The following KCNH1 variants were observed in gnomAD, a reference collection of about 807,000 sequenced individuals.
KCNH1 encodes potassium voltage-gated channel subfamily H member 1.
A neutral mutation model predicts 69.2 loss-of-function variants in KCNH1; 27 were observed. The observed-to-expected ratio is 0.39, with a 90% CI of 0.29 to 0.54. The LOEUF is 0.54. KCNH1 is among the 20% of genes least tolerant of loss of function. The pLI is 0.68. For missense variants in KCNH1, 798 were observed against 1,261.6 expected, an observed-to-expected ratio of 0.63 and a Z score of 5.57; for synonymous variants, 456 against 487.7, an observed-to-expected ratio of 0.93 and a Z score of 0.86.
intron 6 of KCNH1, among the ~76,000 whole-genome samples, chr1:210,966,231 A>C (rs772134476): frequency 1.3e-5 from 2 of 152,164 alleles, no homozygotes; most frequent in Non-Finnish European, 2.9e-5. Context: ...ACAAAAATTA[A>C]CTCGAGATGG....
chr1:210,732,229 C>T (rs1249268173), intron 10 of KCNH1, among the ~76,000 whole-genome samples: 1 of 151,706 alleles, frequency 6.6e-6, no homozygotes, highest in Non-Finnish European at 1.5e-5. Flanking sequence ...CCAGGCAGCC[C>T]AGTGTGGCTC....
intron 6 of KCNH1, among the ~76,000 whole-genome samples, chr1:211,007,809 A>G (rs1240284492): frequency 6.6e-6 from 1 of 152,226 alleles, no homozygotes; most frequent in Non-Finnish European, 1.5e-5. Context: ...AATGATCTCA[A>G]AGTTCTCAGA....
intron 2 of KCNH1, among the ~76,000 whole-genome samples, 187 bp from the exon 3 acceptor site, chr1:211,103,789 C>T (rs951075806): frequency 6.6e-6 from 1 of 152,138 alleles, no homozygotes; most frequent in African/African-American, 2.4e-5. Context: ...TTCATTGTCT[C>T]CAAAAAACTA....
At chr1:210,898,452 T>C (rs929324434) in intron 7 of KCNH1, among the ~76,000 whole-genome samples, 5 of 152,144 alleles carry the variant, frequency 3.3e-5, no homozygotes, top group African/African-American at 1.2e-4. Context: ...ATAAGAAACA[T>C]ACAACCTGCA....
chr1:211,059,851 T>C (rs1271160663), intron 5 of KCNH1, among the ~76,000 whole-genome samples: 3 of 151,506 alleles, frequency 2.0e-5, no homozygotes, highest in South Asian at 2.1e-4. Context: ...GGACAGAAAA[T>C]AAAGAAACAT....
At chr1:210,925,539 G>A (rs114898536) in intron 6 of KCNH1, among the ~76,000 whole-genome samples, 1,686 of 152,324 alleles carry the variant, frequency 0.011, 35 homozygotes, top group African/African-American at 0.038. Flanking sequence ...GGGACATGGT[G>A]AGAGTGAGAC....
In KCNH1 at chr1:210,998,648, TG is replaced by T. The variant is rs559815419; in HGVS notation, c.1032+20134del. On this transcript the variant is annotated intron_variant, in intron 6 of 10. Coordinates refer to ENST00000271751, the MANE Select transcript of KCNH1 (RefSeq NM_172362.3). ...GATATCCAGGAATTGAACTCAGCTCTGCCCCAAGCAGACCTAATAGACATCT... is the reference window on the plus strand; with the variant it reads ...GATATCCAGGAATTGAACTCAGCTCTCCCCAAGCAGACCTAATAGACATCT... 7.2e-5 allele frequency among the ~76,000 whole-genome samples: 11 copies of T among 152,330 alleles called. No individual in the cohort carries two copies. The East Asian group carries it at 2.1e-3, about 29-fold the overall frequency.
intron 7 of KCNH1, among the ~76,000 whole-genome samples, chr1:210,904,160 C>A (rs1687049458): frequency 6.6e-6 from 1 of 152,150 alleles, no homozygotes; most frequent in Non-Finnish European, 1.5e-5. Flanking sequence ...CAATTAAGGT[C>A]ATTAAGTTAT....
At chr1:211,084,832 T>C (rs1051637419) in intron 4 of KCNH1, among the ~76,000 whole-genome samples, 1 of 152,232 alleles carries the variant, frequency 6.6e-6, no homozygotes, top group African/African-American at 2.4e-5. Context: ...ATTCATGTGT[T>C]AATTCTATAA....
chr1:211,037,578 C>T (rs1006879338), intron 5 of KCNH1, among the ~76,000 whole-genome samples: 9 of 149,504 alleles, frequency 6.0e-5, no homozygotes, highest in African/African-American at 1.7e-4. Context: ...TAGCAACATG[C>T]CTTCCTGTCA....
intron 10 of KCNH1, among the ~76,000 whole-genome samples, chr1:210,741,648 T>C (rs542398695): frequency 1.6e-3 from 242 of 152,296 alleles, no homozygotes; most frequent in African/African-American, 5.6e-3. Context: ...AGGAGGTTAA[T>C]GGAAGGCCCT....
chr1:210,801,432 T>C (rs537636651), intron 8 of KCNH1, among the ~76,000 whole-genome samples: 44 of 152,316 alleles, frequency 2.9e-4, no homozygotes, highest in African/African-American at 1.0e-3. Flanking sequence ...CAGCCCGCTC[T>C]GGGCTCCAGA....
chr1:210,957,817 G>C (rs1442506418), intron 6 of KCNH1, among the ~76,000 whole-genome samples: 1 of 152,146 alleles, frequency 6.6e-6, no homozygotes, highest in Non-Finnish European at 1.5e-5. Flanking sequence ...CTCTGCACAT[G>C]AGATGGGTCT....
chr1:211,030,544 G>T (rs1251976572), intron 5 of KCNH1, among the ~76,000 whole-genome samples: 1 of 152,016 alleles, frequency 6.6e-6, no homozygotes, highest in Non-Finnish European at 1.5e-5. Context: ...GGGAACAAGT[G>T]GACATCAATA....
chr1:210,949,142 A>G (rs1287540563), intron 6 of KCNH1, among the ~76,000 whole-genome samples: 1 of 152,132 alleles, frequency 6.6e-6, no homozygotes, highest in Non-Finnish European at 1.5e-5. Flanking sequence ...TTTTATACTT[A>G]AAGGGAAAAA....
intron 7 of KCNH1, among the ~76,000 whole-genome samples, chr1:210,891,760 C>T (rs1047714085): frequency 6.6e-6 from 1 of 152,070 alleles, no homozygotes; most frequent in Non-Finnish European, 1.5e-5. Context: ...AAGACTCATG[C>T]ACATGTATGT....
intron 5 of KCNH1, among the ~76,000 whole-genome samples, chr1:211,030,559 A>G (rs1395108135): frequency 6.6e-6 from 1 of 152,236 alleles, no homozygotes; most frequent in East Asian, 1.9e-4. Flanking sequence ...TCAATAAGCC[A>G]GAAAAGGAAC....
intron 2 of KCNH1, 65 bp downstream of exon 2, chr1:211,107,189 C>T: frequency 9.5e-6 from 15 of 1,584,044 alleles, no homozygotes; most frequent in Non-Finnish European, 1.3e-5. Flanking sequence ...ATGCAGTAAA[C>T]CATTTTCTTT....
At chr1:211,025,244 G>GT (rs1689663781) in intron 5 of KCNH1, among the ~76,000 whole-genome samples, 1 of 152,140 alleles carries the variant, frequency 6.6e-6, no homozygotes, top group African/African-American at 2.4e-5. Context: ...GGAACTTCTT[G>GT]TTACCCCTAG....
Sources: allele counts gnomAD v4.1 joint callset (sites outside exome capture counted in the v4.1 genomes callset), GRCh38; gene constraint gnomAD v4.1.1; transcripts MANE v1.5; gene names NCBI Gene and HGNC (gene_info 2026-07-23, HGNC 2026-07-21).